GNB4: variants seen among roughly 807,000 people sequenced by gnomAD.
The protein encoded by GNB4 is G protein subunit beta 4, also known as guanine nucleotide-binding protein subunit beta-4.
A neutral mutation model predicts 45.2 loss-of-function variants in GNB4; 28 were observed. The ratio of observed to expected loss-of-function variants is 0.62; its 90% confidence interval spans 0.46 to 0.85. The LOEUF is 0.85. GNB4 is among the 40% of genes least tolerant of loss of function. GNB4 has a pLI of 0.00. For synonymous variants in GNB4, 132 were observed against 143.7 expected (o/e 0.92, Z 0.58); for missense variants, 321 against 425.4 (o/e 0.75, Z 2.16).
chr3:179,471,146 T>C, the GNB4 span, among the ~76,000 whole-genome samples: 6 of 142,888 alleles, frequency 4.2e-5, no homozygotes, highest in Non-Finnish European at 9.0e-5. Flanking sequence ...GCCACTGCAC[T>C]CCAACCTGGG....
chr3:179,480,212 G>A, the GNB4 span, among the ~76,000 whole-genome samples: 2 of 152,224 alleles, frequency 1.3e-5, no homozygotes, highest in Non-Finnish European at 2.9e-5. Flanking sequence ...AGAACTGTGA[G>A]TGAAGCTTCT....
the GNB4 span, among the ~76,000 whole-genome samples, chr3:179,467,258 C>T: frequency 6.6e-6 from 1 of 152,148 alleles, no homozygotes; most frequent in Admixed American, 6.5e-5. Context: ...ATAATTCCCC[C>T]CACTTCAGCC....
chr3:179,431,354 C>T (rs951025941), intron 1 of GNB4, among the ~76,000 whole-genome samples: 8 of 151,970 alleles, frequency 5.3e-5, no homozygotes, highest in South Asian at 2.1e-4. Context: ...GCCAGGAGTT[C>T]GAGACCAGCC....
At chr3:179,417,730 A>G (rs1714843099) in intron 4 of GNB4, among the ~76,000 whole-genome samples, 1 of 152,206 alleles carries the variant, frequency 6.6e-6, no homozygotes, top group South Asian at 2.1e-4. Flanking sequence ...AAATTCAAAA[A>G]ATAAAAAAGG....
chr3:179,477,606 T>G, the GNB4 span, among the ~76,000 whole-genome samples: 1 of 152,298 alleles, frequency 6.6e-6, no homozygotes, highest in East Asian at 1.9e-4. Flanking sequence ...GCATTGTGGC[T>G]CATGCCTGTA....
chr3:179,440,417 A>G (rs975293226), intron 1 of GNB4, among the ~76,000 whole-genome samples: 1 of 152,236 alleles, frequency 6.6e-6, no homozygotes, highest in African/African-American at 2.4e-5. Flanking sequence ...TTAAAGTAGC[A>G]AAGTACATGA....
At chr3:179,428,111 G>T (rs1577034819) in intron 1 of GNB4, among the ~76,000 whole-genome samples, 2 of 152,210 alleles carry the variant, frequency 1.3e-5, no homozygotes, top group East Asian at 3.9e-4. Flanking sequence ...AAAAAGAAAA[G>T]AAAAACCAGT....
intron 4 of GNB4, among the ~76,000 whole-genome samples, chr3:179,417,678 T>A (rs1714841901): frequency 1.3e-5 from 2 of 152,206 alleles, no homozygotes; most frequent in African/African-American, 4.8e-5. Flanking sequence ...TGAGCCACCA[T>A]GCCCAGCCTT....
At chr3:179,476,597 T>C in the GNB4 span, among the ~76,000 whole-genome samples, 5 of 152,298 alleles carry the variant, frequency 3.3e-5, no homozygotes, top group South Asian at 1.0e-3. Flanking sequence ...TAGTAGGGGC[T>C]CTCTGAGATG....
the GNB4 span, among the ~76,000 whole-genome samples, chr3:179,521,958 A>G: frequency 6.6e-6 from 1 of 151,650 alleles, no homozygotes; most frequent in African/African-American, 2.4e-5. Context: ...CCCTAATCCC[A>G]CTCGAAGCAG....
At chr3:179,483,854 C>A in the GNB4 span, among the ~76,000 whole-genome samples, 9 of 152,004 alleles carry the variant, frequency 5.9e-5, no homozygotes, top group Admixed American at 5.2e-4. Flanking sequence ...TAGATTGAGG[C>A]TAGAATATGT....
intron 1 of GNB4, among the ~76,000 whole-genome samples, chr3:179,429,050 T>A (rs1384841894): frequency 6.6e-6 from 1 of 152,150 alleles, no homozygotes; most frequent in Non-Finnish European, 1.5e-5. Context: ...GGATGACGGG[T>A]GAGGCAATCT....
chr3:179,460,466 G>T, the GNB4 span, among the ~76,000 whole-genome samples: 1 of 152,076 alleles, frequency 6.6e-6, no homozygotes, highest in African/African-American at 2.4e-5. Flanking sequence ...TAGTGACAAT[G>T]AGTCAGATAT....
chr3:179,454,093 T>A (rs1431534843), upstream of GNB4, among the ~76,000 whole-genome samples: 5 of 152,202 alleles, frequency 3.3e-5, no homozygotes, highest in African/African-American at 4.8e-5. Flanking sequence ...TGATGCCTGC[T>A]GGTTTGTGTA....
intron 8 of GNB4, among the ~76,000 whole-genome samples, chr3:179,409,808 C>CA (rs56675254): frequency 0.24 from 25,884 of 107,068 alleles, 2,584 homozygotes; most frequent in Admixed American, 0.36. Context: ...GACTCTGTCT[C>CA]AAAAAAAAAA....
intron 2 of GNB4, 57 bp downstream of exon 2, chr3:179,426,086 AT>A (rs1315316540): frequency 2.2e-6 from 3 of 1,386,336 alleles, no homozygotes; most frequent in Non-Finnish European, 3.0e-6. Flanking sequence ...TAATAGGCAA[AT>A]TTTGTAGATT....
intron 1 of GNB4, among the ~76,000 whole-genome samples, chr3:179,446,416 T>C (rs982818244): frequency 6.6e-6 from 1 of 152,244 alleles, no homozygotes; most frequent in African/African-American, 2.4e-5. Context: ...CAGAAGTATA[T>C]TTAAGCAGGA....
At chr3:179,520,899 A>G in the GNB4 span, among the ~76,000 whole-genome samples, 1 of 152,090 alleles carries the variant, frequency 6.6e-6, no homozygotes, top group African/African-American at 2.4e-5. Flanking sequence ...GCTATGCTAT[A>G]GTACAAGCCA....
At position 179,429,497 on chromosome 3, in the gene GNB4, G is replaced by T. The variant is rs745330336; in HGVS notation, c.-42-3255C>A. On this transcript the variant is annotated intron_variant, in intron 1 of 9. Coordinates refer to ENST00000232564, the MANE Select transcript of GNB4 (RefSeq NM_021629.4). ...AGGTCCTTTACAGTCATGGATATAG[G>T]GTTCAGAAGAAAAAAGATGAGGGGT... 2.1e-4 allele frequency among the ~76,000 whole-genome samples: 32 copies of T among 152,130 alleles called. 1 individual carries two copies. Among genetic ancestry groups the T allele is most frequent in the Admixed American group, 9.2e-4 (14 of 15,270 alleles).
Sources: gnomAD v4.1 joint callset for allele counts (sites outside exome capture counted in the v4.1 genomes callset) on GRCh38, gnomAD v4.1.1 for gene constraint, MANE v1.5 for transcripts, NCBI Gene and HGNC (gene_info 2026-07-23, HGNC 2026-07-21) for gene names.